The following ABCA5 variants were observed in gnomAD, a reference collection of about 807,000 sequenced individuals.
ABCA5 encodes cholesterol transporter ABCA5.
In ABCA5, 163 loss-of-function variants were observed where a neutral mutation model predicts 206.0. That is an observed-to-expected ratio of 0.79 (90% CI 0.70 to 0.90). The LOEUF (loss-of-function observed/expected upper bound fraction) is 0.90. Ranked by LOEUF, ABCA5 falls within the 40% of genes least tolerant of loss-of-function variation. The pLI is 0.00. For synonymous variants in ABCA5, 609 were observed against 613.8 expected, an observed-to-expected ratio of 0.99 and a Z score of 0.11; for missense variants, 1,859 against 1,912.9, an observed-to-expected ratio of 0.97 and a Z score of 0.53.
intron 14 of ABCA5, among the ~76,000 whole-genome samples, 188 bp from the exon 15 acceptor site, chr17:69,287,939 A>G (rs1025398376): frequency 3.9e-5 from 6 of 152,196 alleles, no homozygotes; most frequent in Admixed American, 6.5e-5. Context: ...ACATGTGAAT[A>G]TTTTCCCAGG....
At chr17:69,251,943 C>T (rs766585634) in intron 34 of ABCA5, 77 bp from the exon 35 acceptor site, 23 of 1,519,252 alleles carry the variant, frequency 1.5e-5, no homozygotes, top group South Asian at 6.0e-5. Context: ...AAAATCCAAC[C>T]GGTTGGTTAA....
intron 3 of ABCA5, among the ~76,000 whole-genome samples, chr17:69,309,627 G>A (rs1215947058): frequency 6.6e-6 from 1 of 152,170 alleles, no homozygotes; most frequent in Non-Finnish European, 1.5e-5. Flanking sequence ...AGGATTGCTT[G>A]AGCTCAGAAG....
intron 18 of ABCA5, among the ~76,000 whole-genome samples, chr17:69,281,609 T>A (rs553041459): frequency 1.3e-5 from 2 of 152,302 alleles, no homozygotes; most frequent in East Asian, 3.9e-4. Context: ...CTCAAAAATA[T>A]ATGGCTTCTC....
intron 3 of ABCA5, among the ~76,000 whole-genome samples, chr17:69,310,121 G>C (rs1269857089): frequency 6.6e-6 from 1 of 152,042 alleles, no homozygotes; most frequent in Non-Finnish European, 1.5e-5. Context: ...CTATCTCGAA[G>C]TTAAACTAAA....
At chr17:69,277,312 A>C (rs1458689049) in intron 19 of ABCA5, among the ~76,000 whole-genome samples, 2 of 152,220 alleles carry the variant, frequency 1.3e-5, no homozygotes, top group Non-Finnish European at 2.9e-5. Flanking sequence ...GAGTGTATTA[A>C]TATATTCAAG....
chr17:69,273,482 G>A (rs2075296164), intron 20 of ABCA5, among the ~76,000 whole-genome samples: 1 of 37,316 alleles, frequency 2.7e-5, no homozygotes, highest in Non-Finnish European at 8.1e-5. Flanking sequence ...TTGAGGCAGA[G>A]TCTCCCTCTG....
chr17:69,258,352 A>C (rs1256615559), intron 28 of ABCA5, among the ~76,000 whole-genome samples: 2 of 152,174 alleles, frequency 1.3e-5, no homozygotes, highest in African/African-American at 4.8e-5. Context: ...AAATAGAATG[A>C]AATTATGTTC....
In ABCA5 at chr17:69,264,789, G is replaced by A. The variant is rs1390134235; in HGVS notation, c.3261C>T (p.Ser1087=). The A allele has an allele frequency of 3.8e-6, 6 of 1,595,092 alleles. 1 individual carries two copies. In the South Asian group the frequency reaches 6.9e-5, roughly 18 times the overall value. The part of the protein sequence containing the change: ...FFIILILMLG[S]LLAFHYGLYF... ...ATAATCCATAATGAAATGCCAATAA[G>A]CTTCCTAGCATCAAAATAAGAATGA... Residue 1087 remains serine (S), a synonymous_variant, in exon 24 of 39, where the codon AGC becomes AGT. Transcript: ENST00000392676.
At chr17:69,297,388 T>C in intron 9 of ABCA5, 29 bp from the exon 10 acceptor site, 1 of 1,562,974 alleles carries the variant, frequency 6.4e-7, no homozygotes, top group Non-Finnish European at 8.6e-7. Context: ...AAAACTGAGT[T>C]ACCATAATTA....
intron 18 of ABCA5, among the ~76,000 whole-genome samples, chr17:69,279,622 A>C (rs1160240998): frequency 1.3e-5 from 2 of 152,130 alleles, no homozygotes; most frequent in East Asian, 1.9e-4. Flanking sequence ...ACGCTACCTG[A>C]CTTCAAACTA....
intron 20 of ABCA5, among the ~76,000 whole-genome samples, chr17:69,271,974 G>A (rs544419473): frequency 6.6e-6 from 1 of 152,290 alleles, no homozygotes; most frequent in Admixed American, 6.5e-5. Flanking sequence ...ATACCAACAT[G>A]TCTGCCGAAT....
At chr17:69,311,192 A>G (rs1479635884) in intron 3 of ABCA5, among the ~76,000 whole-genome samples, 1 of 151,684 alleles carries the variant, frequency 6.6e-6, no homozygotes, top group African/African-American at 2.4e-5. Flanking sequence ...CATCTCAAAC[A>G]AAAGAAGAAA....
chr17:69,256,227 T>A lies in ABCA5; in HGVS notation c.3788A>T (p.Asp1263Val), dbSNP rs1449517693. The A allele has an allele frequency of 6.2e-7, 1 of 1,610,740 alleles. No homozygotes were observed. Among genetic ancestry groups the A allele is most frequent in the Admixed American group, 1.7e-5 (1 of 59,874 alleles). ...RKLPEPPDNEDEDEDVKAERL... is the reference protein window; with the variant it reads ...RKLPEPPDNEVEDEDVKAERL... Reference sequence around the variant, plus strand: ...TTCAGCTTTGACATCTTCATCTTCATCCTCATTGTCTGGTGGTTCTGGAAG... The same window carrying A: ...TTCAGCTTTGACATCTTCATCTTCAACCTCATTGTCTGGTGGTTCTGGAAG... Residue 1263 changes from aspartate to valine, a missense_variant, in exon 29 of 39, where the codon GAT becomes GTT. Physicochemically the swap from Asp to Val is radical, Grantham distance 152 (BLOSUM62 -3). Coordinates refer to ENST00000392676, the MANE Select transcript of ABCA5 (RefSeq NM_172232.4).
intron 31 of ABCA5, 101 bp downstream of exon 31, chr17:69,255,442 A>T (rs2075064057): frequency 1.5e-6 from 1 of 683,096 alleles, no homozygotes; most frequent in Non-Finnish European, 2.2e-6. Context: ...CTAAAAATAT[A>T]CATAAAAATT....
intron 13 of ABCA5, 129 bp downstream of exon 13, chr17:69,289,733 G>A (rs1191858872): frequency 9.6e-6 from 7 of 729,116 alleles, no homozygotes; most frequent in African/African-American, 1.8e-5. Context: ...CTTTGTAATA[G>A]CTTTCTGTTT....
intron 1 of ABCA5, among the ~76,000 whole-genome samples, chr17:69,315,939 T>C (rs905057705): frequency 3.3e-5 from 5 of 151,896 alleles, no homozygotes; most frequent in Non-Finnish European, 7.4e-5. Context: ...CAATGAAAAA[T>C]AGAAAATCTT....
chr17:69,314,810 C>T (rs1470256721), intron 1 of ABCA5: 1 of 158,028 alleles, frequency 6.3e-6, no homozygotes, highest in African/African-American at 2.4e-5. Context: ...TTTTTCTTTT[C>T]TGAATTCTCC....
At chr17:69,272,423 TAA>T (rs1197319955) in intron 20 of ABCA5, among the ~76,000 whole-genome samples, 1 of 151,872 alleles carries the variant, frequency 6.6e-6, no homozygotes, top group East Asian at 1.9e-4. Context: ...AATAAAAAAT[TAA>T]GAGACAAACT....
Position 69,250,647 on chromosome 17 carries a change from T to C in ABCA5, c.4536-26A>G, listed in dbSNP as rs1393618799. 2.0e-6 allele frequency: 3 copies of C among 1,509,320 alleles called. No individual in the cohort carries two copies. The African/African-American group carries it at 4.3e-5, about 22-fold the overall frequency. 93.5% of individuals were successfully genotyped at this position (1,509,320 alleles called of 1,614,324 possible). A position where few individuals can be genotyped will look rare whatever the true frequency, so the allele number is the denominator to read the frequency against. On this transcript the variant is annotated intron_variant, in intron 35 of 38. Transcript: ENST00000392676. ...CTGAAGTAATTTTTTAAAAGAAAGC[T>C]CAGATATAAAATGACAGCTTCAAAG...
Sources: allele counts gnomAD v4.1 joint callset (sites outside exome capture counted in the v4.1 genomes callset), GRCh38; gene constraint gnomAD v4.1.1; transcripts MANE v1.5; gene names NCBI Gene and HGNC (gene_info 2026-07-23, HGNC 2026-07-21).